The following PFKFB4 variants were observed in gnomAD, a reference collection of about 807,000 sequenced individuals.
PFKFB4 encodes the protein 6-phosphofructo-2-kinase/fructose-2,6-biphosphatase 4.
Under a neutral mutation model 62.8 loss-of-function variants are expected in PFKFB4, and 42 were observed. The ratio of observed to expected loss-of-function variants is 0.67; its 90% CI spans 0.52 to 0.86. PFKFB4 has a LOEUF of 0.86. PFKFB4 is among the 40% of genes least tolerant of loss of function. The probability of loss-of-function intolerance (pLI) is 0.00; values close to 1 mark genes in which losing one functional copy is unlikely to be tolerated. For synonymous variants in PFKFB4, 204 were observed against 240.7 expected, an observed-to-expected ratio of 0.85 and a Z score of 1.41; for missense variants, 475 against 627.2, an observed-to-expected ratio of 0.76 and a Z score of 2.59.
At chr3:48,546,067 T>C (rs1191555310) in intron 3 of PFKFB4, among the ~76,000 whole-genome samples, 5 of 152,028 alleles carry the variant, frequency 3.3e-5, no homozygotes, top group African/African-American at 1.2e-4. Context: ...AAGAGATGCA[T>C]ATGTGCATGA....
At position 48,525,588 on chromosome 3, in the gene PFKFB4, G is replaced by A. The variant is rs772844956; in HGVS notation, c.1069C>T (p.Arg357Trp). The change falls in exon 10 of 14, where the codon CGG becomes TGG. Residue 357 changes from arginine (R) to tryptophan (W), a missense_variant. Physicochemically the swap from Arg to Trp is moderately radical, Grantham distance 101 (BLOSUM62 -3). Transcript: ENST00000232375. Reference protein sequence around the residue: ...EFALRDQDKYRYRYPKGESYE... With the variant: ...EFALRDQDKYWYRYPKGESYE... ...ACCTCCCCTTTAGGGTACCGGTACC[G>A]GTACTTGTCCTGGTCCCGCAGGGCG... 23 of 1,600,394 alleles carry A rather than the reference G, an allele frequency of 1.4e-5. No individual in the cohort carries two copies. Among genetic ancestry groups the A allele is most frequent in the Admixed American group, 3.4e-5 (2 of 59,078 alleles).
chr3:48,557,493 A>G (rs76806268), upstream of PFKFB4, among the ~76,000 whole-genome samples: 2,047 of 152,088 alleles, frequency 0.013, 43 homozygotes, highest in Non-Finnish European at 0.016. Flanking sequence ...ACACATTTCA[A>G]TATTGTTCCT....
chr3:48,556,674 G>A lies in PFKFB4; in HGVS notation c.97+7C>T, dbSNP rs929214788. On this transcript the variant is annotated splice_region_variant and intron_variant, in intron 1 of 13. Transcript: ENST00000232375. This position sits in a 1 kb window ranked among gnomAD's most constrained non-coding sequence, Gnocchi z 5.7. ...CTCCCACCTCCTCCCAGAGGACCCCGCCTCACCACCGCGCTGGCAAGCGTG... is the reference window on the plus strand; with the variant it reads ...CTCCCACCTCCTCCCAGAGGACCCCACCTCACCACCGCGCTGGCAAGCGTG... 7 of 1,347,008 alleles carry A rather than the reference G, an allele frequency of 5.2e-6. No homozygotes were observed. The highest frequency in any genetic ancestry group is 6.9e-6 in the Non-Finnish European group (7 of 1,012,694). 83.4% of individuals were successfully genotyped at this position (1,347,008 alleles called of 1,614,324 possible).
intron 12 of PFKFB4, 50 bp downstream of exon 12, chr3:48,523,487 A>C (rs753555817): frequency 5.2e-6 from 8 of 1,530,264 alleles, no homozygotes; most frequent in Non-Finnish European, 9.1e-7. Flanking sequence ...AACTGTGCAG[A>C]GATCCAAGGT....
intron 9 of PFKFB4, 27 bp downstream of exon 9, chr3:48,535,485 A>C (rs759674026): frequency 6.3e-7 from 1 of 1,592,222 alleles, no homozygotes; most frequent in Non-Finnish European, 8.6e-7. Context: ...TCTGGGAGGT[A>C]GACAGGGAGG....
rs532055666 is a variant in PFKFB4, at chr3:48,552,833, C to T, written c.98-2599G>A. 3.5e-4 allele frequency among the ~76,000 whole-genome samples: 53 copies of T among 152,328 alleles called. No homozygotes were observed. The South Asian group carries it at 8.7e-3, about 25-fold the overall frequency. On this transcript the variant is annotated intron_variant, in intron 1 of 13. Transcript: ENST00000232375. ...TGGCATTTGGTGGCATTTCCCTTCC[C>T]GCCTTCCACCCACATGCGCAGCACA... is the stretch of plus-strand genomic sequence containing the variant.
In PFKFB4 at chr3:48,535,518, G is replaced by C. The variant is rs745445999; in HGVS notation, c.981C>G (p.Ile327Met). ...AGGGAGGGACGGTAACTACCGCATC[G>C]ATCTCGTTGAGGACCTTCCACTGTT... The part of the protein sequence containing the change: ...PYEQWKVLNE[I>M]DAGVCEEMTY... The change falls in exon 9 of 14, where the codon ATC becomes ATG. Residue 327 changes from isoleucine to methionine, a missense_variant. Transcript: ENST00000232375. 4 of 1,613,310 alleles carry C rather than the reference G, an allele frequency of 2.5e-6. No homozygotes were observed. The highest frequency in any genetic ancestry group is 3.4e-6 in the Non-Finnish European group (4 of 1,179,424).
intron 9 of PFKFB4, among the ~76,000 whole-genome samples, chr3:48,532,310 AAAATAAAT>A (rs549437504): frequency 2.0e-5 from 3 of 152,130 alleles, no homozygotes; most frequent in South Asian, 2.1e-4. Context: ...ATTCCGTTTC[AAAATAAAT>A]AAATAAATAA....
At chr3:48,542,781 G>C (rs1019008046) in intron 4 of PFKFB4, among the ~76,000 whole-genome samples, 1 of 152,128 alleles carries the variant, frequency 6.6e-6, no homozygotes, top group African/African-American at 2.4e-5. Flanking sequence ...TAAGGGAAAA[G>C]CACTTTCCAC....
upstream of PFKFB4, chr3:48,562,752 G>A: frequency 6.6e-7 from 1 of 1,509,588 alleles, no homozygotes; most frequent in Non-Finnish European, 8.8e-7. This position sits in a 1 kb window ranked among gnomAD's most constrained non-coding sequence, Gnocchi z 4.3. Context: ...TCCCATCCAG[G>A]GTGGCCCTAT....
intron 3 of PFKFB4, among the ~76,000 whole-genome samples, chr3:48,545,621 T>C (rs1479836118): frequency 6.6e-6 from 1 of 151,678 alleles, no homozygotes; most frequent in Non-Finnish European, 1.5e-5. Context: ...TTGTGACATT[T>C]CTTTTCTTTC....
chr3:48,551,013 G>C (rs1299796560), intron 1 of PFKFB4, among the ~76,000 whole-genome samples: 1 of 152,140 alleles, frequency 6.6e-6, no homozygotes, highest in Non-Finnish European at 1.5e-5. Flanking sequence ...CAGAGACCCA[G>C]ACTGATGCCC....
At chr3:48,527,283 G>GT (rs1181191209) in intron 9 of PFKFB4, among the ~76,000 whole-genome samples, 1,697 of 135,616 alleles carry the variant, frequency 0.013, 9 homozygotes, top group African/African-American at 0.021. Context: ...ACATTTAGTG[G>GT]TTTTTTTTTT....
chr3:48,539,487 C>CAGGT (rs2042736184), intron 5 of PFKFB4, 177 bp from the exon 6 acceptor site: 64 of 706,470 alleles, frequency 9.1e-5, no homozygotes, highest in South Asian at 8.5e-4. Context: ...AGAGCTAAAG[C>CAGGT]AGGTGCTGCC....
At chr3:48,525,721 T>C (rs1264416425) in intron 9 of PFKFB4, 52 bp from the exon 10 acceptor site, 1 of 1,027,158 alleles carries the variant, frequency 9.7e-7, no homozygotes, top group Non-Finnish European at 1.5e-6. Flanking sequence ...AAGATGAGCC[T>C]TGGGGACATG....
chr3:48,519,883 T>C, intron 13 of PFKFB4, 77 bp from the exon 14 acceptor site: 2 of 1,180,570 alleles, frequency 1.7e-6, no homozygotes, highest in Non-Finnish European at 2.5e-6. Flanking sequence ...TCCTCATCAC[T>C]GTGGTTCATC....
intron 9 of PFKFB4, among the ~76,000 whole-genome samples, chr3:48,535,194 T>G (rs1281490976): frequency 6.6e-6 from 1 of 152,212 alleles, no homozygotes; most frequent in Non-Finnish European, 1.5e-5. Context: ...TATGGCTGAC[T>G]GCAGCTACCA....
upstream of PFKFB4, chr3:48,559,450 C>A (rs2107617079): frequency 2.2e-6 from 1 of 453,046 alleles, no homozygotes; most frequent in East Asian, 7.0e-5. Context: ...GCTCAACTCC[C>A]AGCCTTCCAG....
chr3:48,531,645 T>G (rs1226960171), intron 9 of PFKFB4, among the ~76,000 whole-genome samples: 2 of 151,452 alleles, frequency 1.3e-5, no homozygotes, highest in Non-Finnish European at 2.9e-5. Flanking sequence ...TTTTTAAATT[T>G]AGCTGGGTAT....
Sources: allele counts gnomAD v4.1 joint callset (sites outside exome capture counted in the v4.1 genomes callset), GRCh38; gene constraint gnomAD v4.1.1; non-coding constraint Gnocchi (gnomAD v3.1); transcripts MANE v1.5; gene names NCBI Gene and HGNC (gene_info 2026-07-23, HGNC 2026-07-21).